LIPA: variants seen among roughly 807,000 people sequenced by gnomAD.
LIPA encodes the protein lysosomal acid lipase/cholesteryl ester hydrolase.
LIPA carries 26 observed loss-of-function variants against 40.6 expected under a neutral mutation model. The ratio of observed to expected loss-of-function variants is 0.64; its 90% CI spans 0.47 to 0.89. LIPA has a LOEUF of 0.89. Ranked by LOEUF, LIPA falls within the 40% of genes least tolerant of loss-of-function variation. LIPA has a pLI of 0.00. For synonymous variants in LIPA, 188 were observed against 168.4 expected, an observed-to-expected ratio of 1.12 and a Z score of -0.90; for missense variants, 455 against 479.6, an observed-to-expected ratio of 0.95 and a Z score of 0.48.
chr10:89,342,225 G>A (rs1843877867), intron 1 of LIPA, among the ~76,000 whole-genome samples: 2 of 152,060 alleles, frequency 1.3e-5, no homozygotes, highest in Admixed American at 6.6e-5. Flanking sequence ...ATGCTAGATG[G>A]AATGGGACAT....
intron 1 of LIPA, among the ~76,000 whole-genome samples, chr10:89,264,462 G>A (rs2133488373): frequency 6.6e-6 from 1 of 152,172 alleles, no homozygotes; most frequent in Admixed American, 6.5e-5. Context: ...GCAGCTCAGT[G>A]GAGAGCAGAC....
At chr10:89,284,715 CTA>C (rs1371135038) in intron 1 of LIPA, among the ~76,000 whole-genome samples, 2 of 152,200 alleles carry the variant, frequency 1.3e-5, no homozygotes, top group Admixed American at 6.5e-5. Flanking sequence ...CCTGTATACG[CTA>C]TATGTCAGGC....
At chr10:89,281,059 C>T (rs573593388) in intron 1 of LIPA, among the ~76,000 whole-genome samples, 13 of 152,296 alleles carry the variant, frequency 8.5e-5, no homozygotes, top group African/African-American at 3.1e-4. Flanking sequence ...AAAACAGTGG[C>T]TATTTATGAT....
chr10:89,282,579 G>A (rs1843321561), intron 1 of LIPA, among the ~76,000 whole-genome samples: 2 of 152,164 alleles, frequency 1.3e-5, no homozygotes. Context: ...GGCAGAGGTT[G>A]CGGTGAGCCG....
chr10:89,247,108 C>T (rs1013594936), intron 2 of LIPA, among the ~76,000 whole-genome samples: 2 of 152,028 alleles, frequency 1.3e-5, no homozygotes, highest in East Asian at 1.9e-4. Context: ...CGGTGGCTCA[C>T]GCCTGTAATC....
intron 2 of LIPA, chr10:89,403,143 C>A: frequency 2.5e-6 from 4 of 1,613,974 alleles, no homozygotes; most frequent in Non-Finnish European, 3.4e-6. Context: ...ACTGCATCAC[C>A]AGATAGGGCT....
At chr10:89,332,439 A>T in intron 1 of LIPA, 2 of 1,406,384 alleles carry the variant, frequency 1.4e-6, no homozygotes, top group Non-Finnish European at 1.9e-6. Flanking sequence ...ATTCTGTTTC[A>T]GTTTCCCCTC....
intron 2 of LIPA, among the ~76,000 whole-genome samples, chr10:89,402,004 C>G (rs919672965): frequency 6.6e-6 from 1 of 152,052 alleles, no homozygotes; most frequent in Non-Finnish European, 1.5e-5. Flanking sequence ...TAATCCTCAC[C>G]AAACCCAGTG....
Position 89,226,899 on chromosome 10 carries a change from A to C in LIPA, c.534T>G (p.Thr178=). ...VYYVGHSQGT[T]IGFIAFSQIP... is the part of the protein sequence containing the mutation. ...TGATCTTATTTACATACATACCTATAGTGGTGCCTTGAGAATGACCCACAT... is the reference window on the plus strand; with the variant it reads ...TGATCTTATTTACATACATACCTATCGTGGTGCCTTGAGAATGACCCACAT... The change falls in exon 5 of 10, where the codon ACT becomes ACG. Residue 178 remains threonine, a synonymous_variant. Transcript: ENST00000336233. 1.3e-6 allele frequency: 2 copies of C among 1,524,744 alleles called. No homozygotes were observed. The highest frequency in any genetic ancestry group is 1.8e-6 in the Non-Finnish European group (2 of 1,099,030). 94.5% of individuals were successfully genotyped at this position (1,524,744 alleles called of 1,614,324 possible). A position where few individuals can be genotyped will look rare whatever the true frequency, so the allele number is the denominator to read the frequency against.
At chr10:89,385,164 C>T (rs1844201412) in intron 2 of LIPA, 1 of 159,400 alleles carries the variant, frequency 6.3e-6, no homozygotes, top group South Asian at 1.8e-4. Flanking sequence ...TGAGTGGTTA[C>T]CCTCAAGCTT....
chr10:89,220,498 C>T (rs538676686), intron 8 of LIPA, among the ~76,000 whole-genome samples: 15 of 152,252 alleles, frequency 9.9e-5, no homozygotes, highest in African/African-American at 3.1e-4. Context: ...GAACCAAGAA[C>T]GAAAATCCTC....
rs1056574311 is a variant in LIPA at position 89,403,906 on chromosome 10, G to T, written c.61+8885C>A. On this transcript the variant is annotated intron_variant, in intron 2 of 8. Transcript: ENST00000371837. The stretch of plus-strand genomic sequence containing the variant: ...AATGTGTGTATGCATGTAAGAAAGA[G>T]AAATCATTTGTATGAGTGCTATGTA... 10 of 498,346 alleles carry T rather than the reference G, an allele frequency of 2.0e-5. No individual in the cohort carries two copies. In the South Asian group the frequency reaches 2.5e-4, roughly 13 times the overall value. 30.9% of individuals were successfully genotyped at this position (498,346 alleles called of 1,614,324 possible).
In LIPA at chr10:89,326,140, A is replaced by G. The variant is rs146702556; in HGVS notation, c.-2+16471T>C. ...ACATCAAAGAGATATCTGCACTCCC[A>G]TGTTTATTGCAGCACTATTCACAAT... On this transcript the variant is annotated intron_variant, in intron 1 of 5. Transcript: ENST00000282673. Among the ~76,000 whole-genome samples, 1,443 of 152,362 alleles carry G rather than the reference A, an allele frequency of 9.5e-3. 11 individuals carry two copies. Among genetic ancestry groups the G allele is most frequent in the Middle Eastern group, 0.02 (6 of 294 alleles).
chr10:89,294,095 C>T lies in LIPA; in HGVS notation c.-1-46446G>A, dbSNP rs75331606. On this transcript the variant is annotated intron_variant, in intron 1 of 5. Transcript: ENST00000282673. ...GAATGAATGAATGAAACAAATACTC[C>T]TAGTGTTCTAACAGGGATAAGTGTA... is the stretch of plus-strand genomic sequence containing the variant. 1.7e-3 allele frequency among the ~76,000 whole-genome samples: 253 copies of T among 152,264 alleles called. 1 individual carries two copies. The East Asian group carries it at 0.026, about 16-fold the overall frequency.
intron 2 of LIPA, among the ~76,000 whole-genome samples, chr10:89,366,171 C>T (rs963029815): frequency 1.3e-5 from 2 of 152,108 alleles, no homozygotes; most frequent in African/African-American, 4.8e-5. Flanking sequence ...CTTCACATCC[C>T]TTGTAAGTTG....
chr10:89,320,822 A>G (rs1843567073), intron 1 of LIPA, among the ~76,000 whole-genome samples: 1 of 152,196 alleles, frequency 6.6e-6, no homozygotes, highest in Non-Finnish European at 1.5e-5. Flanking sequence ...AAACTATACT[A>G]CAAGGCTACA....
At chr10:89,362,726 G>A in intron 2 of LIPA, 1 of 732,076 alleles carries the variant, frequency 1.4e-6, no homozygotes, top group South Asian at 2.5e-5. Context: ...AGTGTCCTGA[G>A]ATGAACTGTG....
chr10:89,397,558 T>A (rs113538012), intron 2 of LIPA, among the ~76,000 whole-genome samples: 3 of 152,302 alleles, frequency 2.0e-5, no homozygotes, highest in African/African-American at 7.2e-5. Context: ...TTTCTTTTTA[T>A]AGAGACAGGG....
chr10:89,252,865 A>ACT (rs1843150084), upstream of LIPA, among the ~76,000 whole-genome samples: 1 of 151,558 alleles, frequency 6.6e-6, no homozygotes, highest in Admixed American at 6.6e-5. Context: ...TCAGGAAAGG[A>ACT]CTCTTATGAA....
Sources: allele counts gnomAD v4.1 joint callset (sites outside exome capture counted in the v4.1 genomes callset), GRCh38; gene constraint gnomAD v4.1.1; transcripts MANE v1.5; gene names NCBI Gene and HGNC (gene_info 2026-07-23, HGNC 2026-07-21).